CSMD1: variants seen among roughly 807,000 people sequenced by gnomAD.
The protein encoded by CSMD1 is CUB and sushi domain-containing protein 1.
A neutral mutation model predicts 417.5 loss-of-function variants in CSMD1; 213 were observed. The observed-to-expected ratio is 0.51, with a 90% CI of 0.46 to 0.57. The LOEUF (loss-of-function observed/expected upper bound fraction) is 0.57, where lower values mean the gene tolerates loss of function less well. Ranked by LOEUF, CSMD1 falls within the 20% of genes least tolerant of loss-of-function variation. CSMD1 has a pLI of 0.00. For synonymous variants in CSMD1, 2,862 were observed against 1,736.8 expected (o/e 1.65, Z -16.11); for missense variants, 6,923 against 4,529.7 (o/e 1.53, Z -15.17).
At chr8:3,582,196 ATT>A (rs1800412389) in intron 9 of CSMD1, among the ~76,000 whole-genome samples, 1 of 152,320 alleles carries the variant, frequency 6.6e-6, no homozygotes, top group African/African-American at 2.4e-5. Context: ...GCAAAGAACG[ATT>A]CCCTGTAGTC....
intron 18 of CSMD1, among the ~76,000 whole-genome samples, chr8:3,377,140 C>G (rs1810358442): frequency 6.6e-6 from 1 of 152,188 alleles, no homozygotes; most frequent in South Asian, 2.1e-4. Flanking sequence ...TCCTGAACCG[C>G]TGGGACTATA....
intron 3 of CSMD1, among the ~76,000 whole-genome samples, chr8:4,043,272 A>T (rs1374746019): frequency 6.6e-6 from 1 of 152,244 alleles, no homozygotes; most frequent in African/African-American, 2.4e-5. Flanking sequence ...AGATAAAACG[A>T]ATCACAGAAA....
rs369832283 is a variant in CSMD1 at position 3,256,463 on chromosome 8, A to C, written c.4154-26232T>G. Among the ~76,000 whole-genome samples the C allele has an allele frequency of 2.3e-4, 35 of 152,332 alleles. No homozygotes were observed. In the South Asian group the frequency reaches 6.8e-3, roughly 30 times the overall value. ...CATTGTCCCCTTCTCCTAACTTTTT[A>C]TTGATGCTTCAGATCTAGCTACTAT... On this transcript the variant is annotated intron_variant, in intron 26 of 69. Coordinates refer to ENST00000635120, the MANE Select transcript of CSMD1 (RefSeq NM_033225.6).
chr8:4,719,416 T>A (rs1294460145), intron 1 of CSMD1, among the ~76,000 whole-genome samples: 1 of 152,176 alleles, frequency 6.6e-6, no homozygotes, highest in East Asian at 1.9e-4. Flanking sequence ...CTCTGTTGCA[T>A]TAAAAGCATC....
At chr8:4,802,986 T>A (rs1163772551) in intron 1 of CSMD1, among the ~76,000 whole-genome samples, 1 of 152,190 alleles carries the variant, frequency 6.6e-6, no homozygotes, top group Non-Finnish European at 1.5e-5. Flanking sequence ...ATCTTTATGT[T>A]ATTAGAGCCA....
At chr8:3,934,551 G>C (rs970323131) in intron 5 of CSMD1, among the ~76,000 whole-genome samples, 5 of 152,094 alleles carry the variant, frequency 3.3e-5, no homozygotes, top group African/African-American at 7.2e-5. Context: ...CACTAACTAA[G>C]GGTTAAACAA....
rs538081564 is a variant in CSMD1, at chr8:4,180,313, A to G, written c.416-148214T>C. Among the ~76,000 whole-genome samples the G allele has an allele frequency of 1.5e-3, 233 of 152,006 alleles. 1 individual carries two copies. The highest frequency in any genetic ancestry group is 4.9e-3 in the African/African-American group (205 of 41,426). Reference sequence around the variant, plus strand: ...GACACTGGAAATCATCATTGTCAGTAAACTATTGCAAGGACAAAAAACCAA... The same window carrying G: ...GACACTGGAAATCATCATTGTCAGTGAACTATTGCAAGGACAAAAAACCAA... On this transcript the variant is annotated intron_variant, in intron 3 of 69. Coordinates refer to ENST00000635120, the MANE Select transcript of CSMD1 (RefSeq NM_033225.6).
At chr8:3,977,837 T>C (rs933364131) in intron 5 of CSMD1, among the ~76,000 whole-genome samples, 2 of 152,172 alleles carry the variant, frequency 1.3e-5, no homozygotes, top group African/African-American at 4.8e-5. Context: ...TTTCAGCAAG[T>C]CACAAGAAAT....
intron 2 of CSMD1, among the ~76,000 whole-genome samples, chr8:4,631,106 T>A (rs1802483765): frequency 6.6e-6 from 1 of 152,132 alleles, no homozygotes; most frequent in African/African-American, 2.4e-5. Flanking sequence ...CTCACACCTG[T>A]AATCCCAGCA....
At chr8:4,278,015 G>A (rs1406166064) in intron 3 of CSMD1, among the ~76,000 whole-genome samples, 1 of 152,088 alleles carries the variant, frequency 6.6e-6, no homozygotes, top group East Asian at 1.9e-4. Context: ...CCAAAGTGCT[G>A]GGATTACAAG....
At chr8:3,733,434 T>C (rs1035032841) in intron 6 of CSMD1, among the ~76,000 whole-genome samples, 1 of 151,022 alleles carries the variant, frequency 6.6e-6, no homozygotes, top group South Asian at 2.1e-4. Context: ...TTTGATTTGG[T>C]GTATGTATGC....
chr8:4,154,595 T>A (rs558755215), intron 3 of CSMD1, among the ~76,000 whole-genome samples: 3 of 152,168 alleles, frequency 2.0e-5, no homozygotes, highest in South Asian at 2.1e-4. Flanking sequence ...TCTTTGGCAA[T>A]AGGAATGCAT....
intron 6 of CSMD1, among the ~76,000 whole-genome samples, chr8:3,721,664 A>G (rs1463016090): frequency 1.3e-5 from 2 of 151,838 alleles, no homozygotes; most frequent in Admixed American, 6.6e-5. Flanking sequence ...TTTCCTCCTC[A>G]TGGTTTTGGA....
At chr8:3,966,900 C>T (rs1273095641) in intron 5 of CSMD1, among the ~76,000 whole-genome samples, 3 of 152,196 alleles carry the variant, frequency 2.0e-5, no homozygotes, top group Non-Finnish European at 4.4e-5. Flanking sequence ...TTCAGTATGA[C>T]TTGAATGCCG....
intron 5 of CSMD1, among the ~76,000 whole-genome samples, chr8:3,763,164 C>A (rs896714406): frequency 9.9e-5 from 15 of 152,180 alleles, no homozygotes; most frequent in African/African-American, 3.6e-4. Flanking sequence ...TCTCTTCACC[C>A]ACACTCCCAG....
intron 25 of CSMD1, among the ~76,000 whole-genome samples, chr8:3,302,348 C>G (rs1168552130): frequency 6.6e-6 from 1 of 152,136 alleles, no homozygotes; most frequent in African/African-American, 2.4e-5. Flanking sequence ...CACAGCATCT[C>G]CTCCCTTACA....
At chr8:2,978,493 G>A in intron 55 of CSMD1, 119 bp downstream of exon 55, 1 of 755,846 alleles carries the variant, frequency 1.3e-6, no homozygotes, top group Non-Finnish European at 2.1e-6. Flanking sequence ...CCTACAATTG[G>A]TGATGGGAGG....
chr8:2,942,664 A>G, intron 68 of CSMD1, 60 bp from the exon 69 acceptor site: 3 of 1,331,536 alleles, frequency 2.3e-6, no homozygotes, highest in Non-Finnish European at 3.0e-6. Flanking sequence ...ACAAATACAT[A>G]TGATAAATTT....
intron 1 of CSMD1, among the ~76,000 whole-genome samples, chr8:4,968,692 T>C (rs551632820): frequency 5.9e-5 from 9 of 152,288 alleles, no homozygotes; most frequent in East Asian, 5.8e-4. Flanking sequence ...TGCTTTCAAA[T>C]ACTAACCTCT....
Sources: gnomAD v4.1 joint callset for allele counts (sites outside exome capture counted in the v4.1 genomes callset) on GRCh38, gnomAD v4.1.1 for gene constraint, MANE v1.5 for transcripts, NCBI Gene and HGNC (gene_info 2026-07-23, HGNC 2026-07-21) for gene names.